HS3ST4: variants seen among roughly 807,000 people sequenced by gnomAD.
The protein encoded by HS3ST4 is heparan sulfate-glucosamine 3-sulfotransferase 4.
HS3ST4 carries 17 observed loss-of-function variants against 29.2 expected under a neutral mutation model. The ratio of observed to expected loss-of-function variants is 0.58; its 90% confidence interval spans 0.40 to 0.87. HS3ST4 has a LOEUF of 0.87. HS3ST4 is among the 40% of genes least tolerant of loss of function. The pLI, the probability that HS3ST4 is intolerant of heterozygous loss-of-function variation, is 0.00. For missense variants in HS3ST4, 627 were observed against 634.5 expected (o/e 0.99, Z 0.13); for synonymous variants, 314 against 285.7 (o/e 1.10, Z -1.00).
At chr16:25,791,519 T>C (rs982455731) in intron 1 of HS3ST4, among the ~76,000 whole-genome samples, 5 of 152,134 alleles carry the variant, frequency 3.3e-5, no homozygotes, top group African/African-American at 1.2e-4. Context: ...GCATATTTAC[T>C]TAATTGATCT....
intron 1 of HS3ST4, among the ~76,000 whole-genome samples, chr16:26,086,551 G>GT (rs1567309086): frequency 1.3e-5 from 2 of 151,736 alleles, no homozygotes; most frequent in African/African-American, 4.8e-5. Flanking sequence ...GGGTTTCGCC[G>GT]TATTAGCCAG....
At chr16:25,974,142 T>C (rs932948558) in intron 1 of HS3ST4, among the ~76,000 whole-genome samples, 2 of 152,366 alleles carry the variant, frequency 1.3e-5, no homozygotes, top group Admixed American at 1.3e-4. Context: ...TAGTTCTTCA[T>C]AATCTGCCAG....
At chr16:25,987,400 G>C (rs1416682285) in intron 1 of HS3ST4, among the ~76,000 whole-genome samples, 1 of 152,008 alleles carries the variant, frequency 6.6e-6, no homozygotes, top group African/African-American at 2.4e-5. Flanking sequence ...TATGGAGTTA[G>C]TTTTCTTTGT....
chr16:25,804,614 T>G (rs1381612142), intron 1 of HS3ST4, among the ~76,000 whole-genome samples: 1 of 152,132 alleles, frequency 6.6e-6, no homozygotes. Flanking sequence ...GTATGTTATG[T>G]TTAAATCCTT....
chr16:25,904,958 T>C (rs1191799253), intron 1 of HS3ST4, among the ~76,000 whole-genome samples: 15 of 152,194 alleles, frequency 9.9e-5, no homozygotes, highest in Admixed American at 9.8e-4. Context: ...CCTCAAATGT[T>C]TATTGAACTC....
rs1320696559 is a variant in HS3ST4, at chr16:26,093,573, C to CA, written c.735-42034dup. On this transcript the variant is annotated intron_variant, in intron 1 of 1. Transcript: ENST00000331351. ...CAGAAAGGAATAGCATCAACATCAACAAAAAGGACATCAACACCAAAACCC... is the reference window on the plus strand; with the variant it reads ...CAGAAAGGAATAGCATCAACATCAACAAAAAAGGACATCAACACCAAAACCC... 2.6e-5 allele frequency among the ~76,000 whole-genome samples: 4 copies of CA among 152,130 alleles called. No homozygotes were observed. In the East Asian group the frequency reaches 7.7e-4, roughly 29 times the overall value.
intron 1 of HS3ST4, among the ~76,000 whole-genome samples, chr16:25,942,519 C>A (rs74013104): frequency 0.084 from 12,844 of 152,056 alleles, 750 homozygotes; most frequent in African/African-American, 0.15. Context: ...GGCTGGCTTA[C>A]TGTTTAAAAC....
chr16:26,007,584 C>A (rs1165430074), intron 1 of HS3ST4, among the ~76,000 whole-genome samples: 2 of 152,164 alleles, frequency 1.3e-5, no homozygotes, highest in Admixed American at 1.3e-4. Flanking sequence ...GTTTCACATC[C>A]ACCTTCATCC....
chr16:26,040,819 T>G (rs995373204), intron 1 of HS3ST4, among the ~76,000 whole-genome samples: 1 of 152,132 alleles, frequency 6.6e-6, no homozygotes, highest in African/African-American at 2.4e-5. Context: ...ATACTTCCTG[T>G]ATGCTAAGCA....
At chr16:25,950,487 G>A (rs1968672067) in intron 1 of HS3ST4, among the ~76,000 whole-genome samples, 1 of 152,028 alleles carries the variant, frequency 6.6e-6, no homozygotes, top group Admixed American at 6.6e-5. Flanking sequence ...ATGGATGGTC[G>A]GATGGATGAA....
intron 1 of HS3ST4, among the ~76,000 whole-genome samples, chr16:25,731,405 AT>A (rs1966569186): frequency 1.3e-5 from 2 of 152,200 alleles, no homozygotes; most frequent in African/African-American, 4.8e-5. Context: ...CAGTGGCACA[AT>A]TACGGTTCAC....
intron 1 of HS3ST4, among the ~76,000 whole-genome samples, chr16:26,114,364 G>T (rs1453483356): frequency 6.6e-6 from 1 of 151,964 alleles, no homozygotes; most frequent in East Asian, 1.9e-4. Flanking sequence ...ATTTTTCAAT[G>T]CCCAAAGCTG....
intron 1 of HS3ST4, among the ~76,000 whole-genome samples, chr16:25,943,131 T>A (rs1220039318): frequency 6.6e-6 from 1 of 152,232 alleles, no homozygotes; most frequent in Non-Finnish European, 1.5e-5. Flanking sequence ...TTTATTTTAT[T>A]ATTTTATTTT....
At chr16:25,716,769 T>C (rs1254410017) in intron 1 of HS3ST4, among the ~76,000 whole-genome samples, 2 of 152,130 alleles carry the variant, frequency 1.3e-5, no homozygotes, top group Non-Finnish European at 2.9e-5. Flanking sequence ...AGAAGGGGAA[T>C]TAGGTCAGAC....
chr16:25,768,054 G>C (rs964521061), intron 1 of HS3ST4, among the ~76,000 whole-genome samples: 1 of 152,128 alleles, frequency 6.6e-6, no homozygotes, highest in African/African-American at 2.4e-5. Context: ...GGGGTGGCAG[G>C]GGAGTGCGGG....
intron 1 of HS3ST4, among the ~76,000 whole-genome samples, chr16:25,777,391 A>G (rs1484570035): frequency 6.6e-6 from 1 of 151,612 alleles, no homozygotes; most frequent in Non-Finnish European, 1.5e-5. Flanking sequence ...GGCACTGGAG[A>G]TACAGCAGAA....
chr16:25,889,034 T>A (rs920862875), intron 1 of HS3ST4, among the ~76,000 whole-genome samples: 1 of 152,210 alleles, frequency 6.6e-6, no homozygotes, highest in Admixed American at 6.5e-5. Flanking sequence ...TGGATTTCCA[T>A]TGACTGCTAT....
At position 25,704,400 on chromosome 16, in the gene HS3ST4, A is replaced by G. The variant is rs528839955; in HGVS notation, c.734+11249A>G. On this transcript the variant is annotated intron_variant, in intron 1 of 1. Transcript: ENST00000331351. ...TTTTCTTACAGATAGAGAGATTGAG[A>G]CTTTGGAAGGGCAAGTGACATTCCT... Among the ~76,000 whole-genome samples, 362 of 152,242 alleles carry G rather than the reference A, an allele frequency of 2.4e-3. 1 individual carries two copies. The highest frequency in any genetic ancestry group is 4.6e-3 in the Non-Finnish European group (314 of 68,006).
chr16:26,124,750 C>T (rs767415459), intron 1 of HS3ST4, among the ~76,000 whole-genome samples: 23 of 152,200 alleles, frequency 1.5e-4, no homozygotes, highest in Non-Finnish European at 2.4e-4. Context: ...TATGTGTGAA[C>T]AGCTCTTGAC....
Sources: gnomAD v4.1 joint callset for allele counts (sites outside exome capture counted in the v4.1 genomes callset) on GRCh38, gnomAD v4.1.1 for gene constraint, MANE v1.5 for transcripts, NCBI Gene and HGNC (gene_info 2026-07-23, HGNC 2026-07-21) for gene names.